The following NRXN1 variants were observed in gnomAD, a reference collection of about 807,000 sequenced individuals.
The protein encoded by NRXN1 is neurexin 1, also known as neurexin-1.
NRXN1 carries 39 observed loss-of-function variants against 150.9 expected under a neutral mutation model. The observed-to-expected ratio is 0.26, with a 90% CI of 0.20 to 0.34. NRXN1 has a LOEUF of 0.34. Ranked by LOEUF, NRXN1 falls within the 10% of genes least tolerant of loss-of-function variation. The pLI is 1.00. For synonymous variants in NRXN1, 924 were observed against 757.0 expected (o/e 1.22, Z -3.62); for missense variants, 1,815 against 1,949.9 (o/e 0.93, Z 1.30).
At chr2:50,763,119 A>G (rs1310238816) in intron 5 of NRXN1, among the ~76,000 whole-genome samples, 3 of 151,946 alleles carry the variant, frequency 2.0e-5, no homozygotes, top group Non-Finnish European at 4.4e-5. Flanking sequence ...TAATGATACC[A>G]CAGTCCTATC....
chr2:50,946,894 G>T (rs1252060937), intron 2 of NRXN1, among the ~76,000 whole-genome samples: 1 of 152,202 alleles, frequency 6.6e-6, no homozygotes, highest in East Asian at 1.9e-4. Context: ...GCTGAATATT[G>T]CTTAAACTGT....
chr2:50,943,874 T>C (rs1689892865), intron 2 of NRXN1, among the ~76,000 whole-genome samples: 1 of 152,194 alleles, frequency 6.6e-6, no homozygotes, highest in Non-Finnish European at 1.5e-5. Context: ...ATAATTGTAT[T>C]TCCTCATCCT....
At chr2:50,722,279 G>A (rs1696765777) in intron 5 of NRXN1, among the ~76,000 whole-genome samples, 2 of 152,016 alleles carry the variant, frequency 1.3e-5, no homozygotes, top group South Asian at 4.2e-4. Context: ...AAAAGGAGGT[G>A]ATAAACATAC....
chr2:50,172,542 GA>G lies in NRXN1; in HGVS notation c.3546+64246del, dbSNP rs1189467485. Among the ~76,000 whole-genome samples, 7 of 152,100 alleles carry G rather than the reference GA, an allele frequency of 4.6e-5. No homozygotes were observed. The East Asian group carries it at 1.4e-3, about 29-fold the overall frequency. On this transcript the variant is annotated intron_variant, in intron 18 of 22. Transcript: ENST00000401669. ...ACCACCACCCCACAACTCCAAAAAA[GA>G]AAAAAATTATAAACACATCCACTAA...
intron 21 of NRXN1, among the ~76,000 whole-genome samples, chr2:50,048,930 T>C (rs1246867189): frequency 6.6e-6 from 1 of 152,136 alleles, no homozygotes; most frequent in African/African-American, 2.4e-5. Flanking sequence ...AACCAGAATC[T>C]CTCAAAATTT....
At chr2:50,894,345 A>T (rs1458112272) in intron 5 of NRXN1, among the ~76,000 whole-genome samples, 1 of 150,962 alleles carries the variant, frequency 6.6e-6, no homozygotes, top group Admixed American at 6.6e-5. Context: ...AAAAAACCTG[A>T]CTCATTCTCA....
intron 17 of NRXN1, among the ~76,000 whole-genome samples, chr2:50,243,762 G>A (rs1294859025): frequency 6.6e-6 from 1 of 151,708 alleles, no homozygotes; most frequent in Admixed American, 6.6e-5. Flanking sequence ...TAGACTCCAC[G>A]GTAGACATTG....
At chr2:50,334,880 T>C (rs1331029101) in intron 17 of NRXN1, among the ~76,000 whole-genome samples, 3 of 152,214 alleles carry the variant, frequency 2.0e-5, no homozygotes, top group African/African-American at 7.2e-5. Flanking sequence ...ACTTTAATCA[T>C]ATCAGCTTCT....
intron 8 of NRXN1, among the ~76,000 whole-genome samples, chr2:50,571,353 G>T (rs777613272): frequency 6.6e-6 from 1 of 152,062 alleles, no homozygotes; most frequent in Non-Finnish European, 1.5e-5. Context: ...AAGTTTCCTG[G>T]GTCTTAAGAA....
rs199546979 is a variant in NRXN1, at chr2:50,236,836, G to A, written c.3499C>T (p.Arg1167Ter). Residue 1167 changes from arginine (R) to a stop codon, truncating the protein, a stop_gained, in exon 18 of 23, where the codon CGA (arginine) becomes TGA (stop). Coordinates refer to ENST00000401669, the MANE Select transcript of NRXN1 (RefSeq NM_001330078.2). LOFTEE classifies it high-confidence loss of function. ...STVQKEAVLV[R>*]VDSSSGLGDY... The stretch of plus-strand genomic sequence containing the variant: ...CCCAAGCCTGAAGAACTGTCCACTC[G>A]CACCAATACGGCTTCTTTCTGAACA... 6.2e-7 allele frequency: 1 copy of A among 1,613,226 alleles called. No homozygotes were observed. The highest frequency in any genetic ancestry group is 8.5e-7 in the Non-Finnish European group (1 of 1,179,592).
At chr2:49,946,007 G>A (rs1048551625) in intron 21 of NRXN1, among the ~76,000 whole-genome samples, 1 of 152,130 alleles carries the variant, frequency 6.6e-6, no homozygotes, top group African/African-American at 2.4e-5. Context: ...CCCACCAACA[G>A]TGTAAAAGCA....
intron 18 of NRXN1, among the ~76,000 whole-genome samples, chr2:50,114,075 G>A (rs996300358): frequency 6.6e-6 from 1 of 151,932 alleles, no homozygotes; most frequent in African/African-American, 2.4e-5. Context: ...ATATACCACA[G>A]ACTGGGAGAA....
At chr2:50,600,313 A>C (rs1343729482) in intron 8 of NRXN1, among the ~76,000 whole-genome samples, 1 of 151,280 alleles carries the variant, frequency 6.6e-6, no homozygotes, top group African/African-American at 2.4e-5. Flanking sequence ...AAAAGTAGTT[A>C]AGACTAGCTT....
intron 21 of NRXN1, among the ~76,000 whole-genome samples, chr2:49,995,616 C>T (rs900382488): frequency 4.6e-5 from 7 of 151,512 alleles, no homozygotes; most frequent in Admixed American, 3.9e-4. Flanking sequence ...CCCGCCTCTA[C>T]TAAAAATACA....
intron 17 of NRXN1, among the ~76,000 whole-genome samples, chr2:50,244,741 T>C (rs2066344990): frequency 6.6e-6 from 1 of 151,854 alleles, no homozygotes; most frequent in Admixed American, 6.6e-5. Flanking sequence ...AATTTCAAAA[T>C]GGCTAGAAGA....
chr2:50,849,694 C>A (rs2105969749), intron 5 of NRXN1, among the ~76,000 whole-genome samples: 1 of 152,284 alleles, frequency 6.6e-6, no homozygotes, highest in African/African-American at 2.4e-5. Context: ...AGGATAACTT[C>A]TCTTTGATAC....
chr2:50,286,034 G>C (rs1200253876), intron 17 of NRXN1, among the ~76,000 whole-genome samples: 1 of 152,118 alleles, frequency 6.6e-6, no homozygotes, highest in Non-Finnish European at 1.5e-5. Flanking sequence ...AAAATTGTAT[G>C]TGTTTAACAC....
At chr2:50,166,069 A>G (rs1011467958) in intron 18 of NRXN1, among the ~76,000 whole-genome samples, 3 of 152,134 alleles carry the variant, frequency 2.0e-5, no homozygotes, top group African/African-American at 7.2e-5. Context: ...CCAAATCTAA[A>G]AATTTGAAAT....
At chr2:49,937,074 C>T (rs1020777845) in intron 22 of NRXN1, among the ~76,000 whole-genome samples, 3 of 152,138 alleles carry the variant, frequency 2.0e-5, no homozygotes, top group South Asian at 2.1e-4. Context: ...GCCATCTCTT[C>T]GTAATATAAA....
Sources: gnomAD v4.1 joint callset for allele counts (sites outside exome capture counted in the v4.1 genomes callset) on GRCh38, gnomAD v4.1.1 for gene constraint, MANE v1.5 for transcripts, NCBI Gene and HGNC (gene_info 2026-07-23, HGNC 2026-07-21) for gene names.